Variants in ARID2 observed in about 807,000 individuals in gnomAD.
ARID2 encodes AT-rich interaction domain 2, also known as AT-rich interactive domain-containing protein 2.
A neutral mutation model predicts 184.6 loss-of-function variants in ARID2; 32 were observed. The ratio of observed to expected loss-of-function variants is 0.17; its 90% confidence interval spans 0.13 to 0.23. ARID2 has a LOEUF of 0.23. Among genes scored for constraint, ARID2 ranks in the 10% least tolerant of loss-of-function variants. ARID2 has a pLI of 1.00. For synonymous variants in ARID2, 836 were observed against 772.6 expected, an observed-to-expected ratio of 1.08 and a Z score of -1.36; for missense variants, 1,696 against 2,197.6, an observed-to-expected ratio of 0.77 and a Z score of 4.56.
intron 6 of ARID2, among the ~76,000 whole-genome samples, chr12:45,832,301 AT>A (rs1430124270): frequency 6.6e-6 from 1 of 152,028 alleles, no homozygotes; most frequent in Non-Finnish European, 1.5e-5. Context: ...ACTACTTTTA[AT>A]ATGTTCTCTT....
At chr12:45,865,215 G>T (rs1206435389) in intron 16 of ARID2, among the ~76,000 whole-genome samples, 4 of 152,032 alleles carry the variant, frequency 2.6e-5, no homozygotes, top group Non-Finnish European at 5.9e-5. Context: ...GTACAACAAG[G>T]TTTTTACTTC....
At chr12:45,837,761 A>G (rs2138133318) in intron 10 of ARID2, 54 bp downstream of exon 10, 1 of 1,531,914 alleles carries the variant, frequency 6.5e-7, no homozygotes, top group Non-Finnish European at 9.0e-7. Context: ...AGTGTTTAAT[A>G]TGGTACTGTA....
chr12:45,767,431 C>T (rs1361777118), intron 3 of ARID2, among the ~76,000 whole-genome samples: 2 of 151,372 alleles, frequency 1.3e-5, no homozygotes, highest in East Asian at 3.9e-4. Flanking sequence ...TAGTTACTTA[C>T]ATGGTTACTT....
At chr12:45,739,704 C>T (rs1941212962) in intron 3 of ARID2, among the ~76,000 whole-genome samples, 1 of 151,792 alleles carries the variant, frequency 6.6e-6, no homozygotes, top group African/African-American at 2.4e-5. Context: ...ACGTATCTTT[C>T]ATGGTGAAGT....
chr12:45,776,097 G>A (rs891556957), intron 3 of ARID2: 7 of 168,666 alleles, frequency 4.2e-5, no homozygotes, highest in African/African-American at 1.7e-4. Context: ...TACTTCATGA[G>A]ACTCTACAGC....
At chr12:45,884,457 A>G (rs1944154113) in intron 16 of ARID2, among the ~76,000 whole-genome samples, 1 of 152,224 alleles carries the variant, frequency 6.6e-6, no homozygotes, top group African/African-American at 2.4e-5. Context: ...ATCAGCTTTC[A>G]TAGCACTTTT....
chr12:45,773,809 A>T (rs1227773840), intron 3 of ARID2, among the ~76,000 whole-genome samples: 1 of 152,192 alleles, frequency 6.6e-6, no homozygotes, highest in African/African-American at 2.4e-5. Context: ...AATTCTGCCA[A>T]ACATTGAAAG....
At chr12:45,792,233 A>G (rs1022076305) in intron 3 of ARID2, among the ~76,000 whole-genome samples, 2 of 152,074 alleles carry the variant, frequency 1.3e-5, no homozygotes, top group Non-Finnish European at 2.9e-5. Flanking sequence ...CAAGTTTTGC[A>G]TGTTCTAGTT....
intron 15 of ARID2, among the ~76,000 whole-genome samples, chr12:45,859,582 A>T (rs1458447284): frequency 6.6e-6 from 1 of 152,136 alleles, no homozygotes; most frequent in Admixed American, 6.6e-5. Context: ...TTTAACATTA[A>T]TTTTTCCCTT....
In ARID2 at chr12:45,907,236, G is replaced by A; in HGVS notation, c.*2158G>A. 4.3e-6 allele frequency: 1 copy of A among 232,830 alleles called. No individual in the cohort carries two copies. The allele number at this position is 232,830 out of a possible 1,614,324, so 14.4% of individuals were successfully genotyped here. ...CACCTGGTAGTTGACATCATATGGGGAATTTTCTATTCACCGTACTTATCC... is the reference window on the plus strand; with the variant it reads ...CACCTGGTAGTTGACATCATATGGGAAATTTTCTATTCACCGTACTTATCC... On this transcript the variant is annotated 3_prime_UTR_variant, in exon 21 of 21. Transcript: ENST00000334344.
At chr12:45,849,982 T>G (rs1729114017) in intron 14 of ARID2, 54 bp from the exon 15 acceptor site, 1 of 1,537,776 alleles carries the variant, frequency 6.5e-7, no homozygotes, top group African/African-American at 1.4e-5. Context: ...TAATTCCTAC[T>G]TGGGATTTTC....
intron 16 of ARID2, among the ~76,000 whole-genome samples, chr12:45,890,992 C>T (rs1300531912): frequency 2.0e-5 from 3 of 151,990 alleles, no homozygotes; most frequent in Admixed American, 1.3e-4. Context: ...TGGTGAAACC[C>T]CGTCTCTACT....
chr12:45,800,599 G>A (rs568064505), intron 3 of ARID2, among the ~76,000 whole-genome samples: 5 of 151,990 alleles, frequency 3.3e-5, no homozygotes, highest in African/African-American at 7.3e-5. Context: ...TTTAAGCATT[G>A]AGCACACCTA....
At chr12:45,829,806 T>C (rs1317091347) in intron 6 of ARID2, among the ~76,000 whole-genome samples, 7 of 149,574 alleles carry the variant, frequency 4.7e-5, no homozygotes, top group African/African-American at 1.2e-4. Flanking sequence ...TTCTTCTTTT[T>C]TTTTTTTTTT....
intron 16 of ARID2, among the ~76,000 whole-genome samples, chr12:45,876,703 A>T (rs1250488334): frequency 6.6e-6 from 1 of 151,988 alleles, no homozygotes; most frequent in Non-Finnish European, 1.5e-5. Flanking sequence ...AATTACCAAA[A>T]TGTGATATAA....
At chr12:45,884,883 C>T (rs755379500) in intron 16 of ARID2, among the ~76,000 whole-genome samples, 56 of 152,212 alleles carry the variant, frequency 3.7e-4, no homozygotes, top group Admixed American at 8.5e-4. Flanking sequence ...GTTGTTCCCA[C>T]CTATGACTTT....
rs1391978950 is a variant in ARID2, at chr12:45,846,848, T to C, written c.1499-8T>C. 1 of 1,612,080 alleles carries C rather than the reference T, an allele frequency of 6.2e-7. No individual in the cohort carries two copies. Among genetic ancestry groups the C allele is most frequent in the Non-Finnish European group, 8.5e-7 (1 of 1,178,956 alleles). Reference sequence around the variant, plus strand: ...GAAATGATGTAGCTAATGTATTTTTTTCTTTAGCTTCCAGAGCAGTTGTAG... The same window carrying C: ...GAAATGATGTAGCTAATGTATTTTTCTCTTTAGCTTCCAGAGCAGTTGTAG... On this transcript the variant is annotated splice_polypyrimidine_tract_variant and splice_region_variant and intron_variant, in intron 11 of 20. Coordinates refer to ENST00000334344, the MANE Select transcript of ARID2 (RefSeq NM_152641.4).
At chr12:45,813,819 G>A (rs528776426) in intron 4 of ARID2, among the ~76,000 whole-genome samples, 3 of 152,120 alleles carry the variant, frequency 2.0e-5, no homozygotes, top group African/African-American at 7.2e-5. Flanking sequence ...GTTGCTTTAA[G>A]CTTTAAGATT....
At chr12:45,808,263 T>C (rs1253846267) in intron 3 of ARID2, among the ~76,000 whole-genome samples, 1 of 152,214 alleles carries the variant, frequency 6.6e-6, no homozygotes, top group Non-Finnish European at 1.5e-5. Flanking sequence ...TTGTTAATAC[T>C]TTTTAGTTTT....
Sources: gnomAD v4.1 joint callset for allele counts (sites outside exome capture counted in the v4.1 genomes callset) on GRCh38, gnomAD v4.1.1 for gene constraint, MANE v1.5 for transcripts, NCBI Gene and HGNC (gene_info 2026-07-23, HGNC 2026-07-21) for gene names.